TERF1: variants seen among roughly 807,000 people sequenced by gnomAD.
TERF1 encodes telomeric repeat-binding factor 1.
Under a neutral mutation model 55.1 loss-of-function variants are expected in TERF1, and 20 were observed. That is an observed-to-expected ratio of 0.36 (90% CI 0.26 to 0.53). The LOEUF is 0.53. Ranked by LOEUF, TERF1 falls within the 20% of genes least tolerant of loss-of-function variation. TERF1 has a pLI of 0.91. For synonymous variants in TERF1, 168 were observed against 181.2 expected (o/e 0.93, Z 0.59); for missense variants, 439 against 535.7 (o/e 0.82, Z 1.78).
At chr8:73,028,113 C>T (rs1022905018) in intron 6 of TERF1, among the ~76,000 whole-genome samples, 2 of 152,138 alleles carry the variant, frequency 1.3e-5, no homozygotes, top group Non-Finnish European at 2.9e-5. Context: ...TACTAATACC[C>T]AGTACATTCT....
At chr8:73,017,944 C>T (rs35814837) in intron 2 of TERF1, among the ~76,000 whole-genome samples, 5 of 152,020 alleles carry the variant, frequency 3.3e-5, no homozygotes, top group African/African-American at 7.2e-5. Context: ...TGGCGGATCT[C>T]GTGATCCGCC....
chr8:73,021,671 A>G (rs1808758865), intron 3 of TERF1, among the ~76,000 whole-genome samples: 1 of 152,214 alleles, frequency 6.6e-6, no homozygotes, highest in Admixed American at 6.5e-5. Context: ...GAGGTTAAGT[A>G]GCTTACCAAG....
intron 9 of TERF1, among the ~76,000 whole-genome samples, chr8:73,045,023 C>G (rs1809976875): frequency 6.6e-6 from 1 of 152,166 alleles, no homozygotes. Context: ...CTGCTCTCGA[C>G]TCTTTTAGAT....
At position 73,020,758 on chromosome 8, in the gene TERF1, G is replaced by C. The variant is rs1360851634; in HGVS notation, c.490G>C (p.Glu164Gln). 1 of 1,535,236 alleles carries C rather than the reference G, an allele frequency of 6.5e-7. No homozygotes were observed. Among genetic ancestry groups the C allele is most frequent in the Non-Finnish European group, 9.0e-7 (1 of 1,114,646 alleles). ...GATGATTTGGGGTTCAATTGAAAAG[G>C]AACATGACAAACTTCATGAAGAAAT... is the stretch of plus-strand genomic sequence containing the variant. ...ALMIWGSIEK[E>Q]HDKLHEEIQN... is the part of the protein sequence containing the mutation. The change falls in exon 3 of 10, where the codon GAA becomes CAA. Residue 164 changes from glutamate (E) to glutamine (Q), a missense_variant. By Grantham distance (29) the Glu-to-Gln change is conservative. This residue lies in a region of TERF1 where 95 missense variants were observed against 167.2 expected (regional missense o/e 0.57). Coordinates refer to ENST00000276603, the MANE Select transcript of TERF1 (RefSeq NM_017489.3).
chr8:73,012,746 A>G, intron 1 of TERF1: 1 of 270,294 alleles, frequency 3.7e-6, no homozygotes, highest in Non-Finnish European at 7.6e-6. Context: ...AAAAACATGC[A>G]ATCTGCAAAG....
intron 8 of TERF1, among the ~76,000 whole-genome samples, chr8:73,032,701 T>TA (rs1809340431): frequency 6.6e-6 from 1 of 152,192 alleles, no homozygotes; most frequent in African/African-American, 2.4e-5. Flanking sequence ...TGACTGTAGT[T>TA]ACTTTTCAGA....
At chr8:73,024,753 T>C in intron 4 of TERF1, 69 bp from the exon 5 acceptor site, 1 of 1,109,324 alleles carries the variant, frequency 9.0e-7, no homozygotes, top group East Asian at 2.6e-5. Context: ...TTAAATAATA[T>C]GTGACAAAAA....
At chr8:73,038,092 C>T (rs1193226603) in intron 8 of TERF1, among the ~76,000 whole-genome samples, 2 of 150,302 alleles carry the variant, frequency 1.3e-5, no homozygotes, top group Non-Finnish European at 2.9e-5. Context: ...CTTCTCATAA[C>T]ATGTTTTATA....
chr8:73,014,431 G>GT (rs5892386), intron 2 of TERF1, among the ~76,000 whole-genome samples: 90,913 of 151,784 alleles, frequency 0.6, 28,182 homozygotes, highest in Middle Eastern at 0.76. Context: ...TACACACTCT[G>GT]TTTTTACTGG....
At chr8:73,010,636 T>A (rs1317076010) in intron 1 of TERF1, 2 of 152,206 alleles carry the variant, frequency 1.3e-5, no homozygotes, top group Non-Finnish European at 2.9e-5. Flanking sequence ...TCACTTGGCT[T>A]TATTGTGATT....
In TERF1 at chr8:73,008,890, G is replaced by T. The variant is rs756003740; in HGVS notation, c.4G>T (p.Ala2Ser). The T allele has an allele frequency of 1.9e-6, 3 of 1,604,104 alleles. No homozygotes were observed. The highest frequency in any genetic ancestry group is 8.5e-7 in the Non-Finnish European group (1 of 1,176,086). The change falls in exon 1 of 10, where the codon GCG becomes TCG. Residue 2 changes from alanine to serine, a missense_variant. Ala to Ser is a moderately conservative substitution (Grantham distance 99). This residue lies in a region of TERF1 where 179 missense variants were observed against 152.6 expected (regional missense o/e 1.17). Coordinates refer to ENST00000276603, the MANE Select transcript of TERF1 (RefSeq NM_017489.3). ...GTACCCAAGCGAGCCATTTAACATG[G>T]CGGAGGATGTTTCCTCAGCGGCCCC... M[A>S]EDVSSAAPSP...
At chr8:73,016,625 C>T (rs1808517461) in intron 2 of TERF1, among the ~76,000 whole-genome samples, 1 of 151,864 alleles carries the variant, frequency 6.6e-6, no homozygotes, top group Non-Finnish European at 1.5e-5. Flanking sequence ...GAGACGAGGT[C>T]TCATGTTGTC....
chr8:73,012,988 TC>T (rs1461523358), intron 1 of TERF1: 1 of 455,012 alleles, frequency 2.2e-6, no homozygotes, highest in African/African-American at 2.0e-5. Context: ...TCTCTTAAAA[TC>T]CTGTTAAATT....
intron 8 of TERF1, among the ~76,000 whole-genome samples, chr8:73,032,753 G>A (rs763114428): frequency 4.6e-5 from 7 of 152,100 alleles, no homozygotes; most frequent in Admixed American, 6.5e-5. Context: ...CAGTAGTTAC[G>A]TTTAATAAAG....
Position 73,016,622 on chromosome 8 carries a change from G to A in TERF1, c.415+2632G>A, listed in dbSNP as rs1311917277. Reference sequence around the variant, plus strand: ...ATTTTTTAATTTTTTGTAGAGACGAGGTCTCATGTTGTCCAGGCTGGTCTT... The same window carrying A: ...ATTTTTTAATTTTTTGTAGAGACGAAGTCTCATGTTGTCCAGGCTGGTCTT... On this transcript the variant is annotated intron_variant, in intron 2 of 9. Coordinates refer to ENST00000276603, the MANE Select transcript of TERF1 (RefSeq NM_017489.3). Among the ~76,000 whole-genome samples, 4 of 151,804 alleles carry A rather than the reference G, an allele frequency of 2.6e-5. No individual in the cohort carries two copies. In the East Asian group the frequency reaches 5.8e-4, roughly 22 times the overall value.
At chr8:73,011,067 G>T (rs1574690) in intron 1 of TERF1, 60,354 of 152,058 alleles carry the variant, frequency 0.4, 12,565 homozygotes, top group Non-Finnish European at 0.46. Flanking sequence ...TATATCATTT[G>T]AAGGGCCTTA....
chr8:73,036,402 A>C (rs188258981), intron 8 of TERF1, among the ~76,000 whole-genome samples: 304 of 152,304 alleles, frequency 2.0e-3, no homozygotes, highest in African/African-American at 7.0e-3. Context: ...TTTTAGAATA[A>C]TTTTGTTAAA....
chr8:73,030,478 A>G (rs1001794731), intron 7 of TERF1, 83 bp downstream of exon 7: 35 of 810,414 alleles, frequency 4.3e-5, no homozygotes, highest in South Asian at 5.4e-5. Flanking sequence ...AAACTACCAC[A>G]TAAATGGTAC....
intron 6 of TERF1, among the ~76,000 whole-genome samples, chr8:73,028,892 G>C (rs750751923): frequency 7.2e-5 from 11 of 152,096 alleles, no homozygotes; most frequent in Non-Finnish European, 1.3e-4. Flanking sequence ...ATTATTTGAA[G>C]GTTCTTACTT....
Sources: allele counts gnomAD v4.1 joint callset (sites outside exome capture counted in the v4.1 genomes callset), GRCh38; gene constraint gnomAD v4.1.1; regional missense constraint gnomAD v4.1.1; transcripts MANE v1.5; gene names NCBI Gene and HGNC (gene_info 2026-07-23, HGNC 2026-07-21).